SPOCK1: variants seen among roughly 807,000 people sequenced by gnomAD.
SPOCK1 encodes the protein testican-1.
SPOCK1 carries 23 observed loss-of-function variants against 55.3 expected under a neutral mutation model. That is an observed-to-expected ratio of 0.42 (90% confidence interval 0.30 to 0.59). The LOEUF (loss-of-function observed/expected upper bound fraction) is 0.59, where lower values mean the gene tolerates loss of function less well. Among genes scored for constraint, SPOCK1 ranks in the 20% least tolerant of loss-of-function variants. SPOCK1 has a pLI of 0.22. For synonymous variants in SPOCK1, 226 were observed against 221.0 expected, an observed-to-expected ratio of 1.02 and a Z score of -0.20; for missense variants, 499 against 552.5, an observed-to-expected ratio of 0.90 and a Z score of 0.97.
chr5:137,297,600 C>T lies in SPOCK1; in HGVS notation c.187-30545G>A, dbSNP rs1055369319. ...TCTCTCTTTTGTGAGGGGAGGGGTC[C>T]CTTCTGGCCTAGTAGAGGGCCTGGC... On this transcript the variant is annotated intron_variant, in intron 2 of 10. Coordinates refer to ENST00000394945, the MANE Select transcript of SPOCK1 (RefSeq NM_004598.4). Among the ~76,000 whole-genome samples, 3 of 152,010 alleles carry T rather than the reference C, an allele frequency of 2.0e-5. No individual in the cohort carries two copies. The East Asian group carries it at 5.8e-4, about 29-fold the overall frequency.
chr5:137,317,710 A>C (rs1167106406), intron 2 of SPOCK1, among the ~76,000 whole-genome samples: 1 of 152,192 alleles, frequency 6.6e-6, no homozygotes, highest in Non-Finnish European at 1.5e-5. Context: ...ACAGAAATAA[A>C]ACATTACTGC....
intron 2 of SPOCK1, among the ~76,000 whole-genome samples, chr5:137,438,179 T>C (rs1265739571): frequency 1.3e-5 from 2 of 151,586 alleles, no homozygotes; most frequent in Non-Finnish European, 2.9e-5. Context: ...AGGGAAGAAG[T>C]AGGGAGCAGG....
chr5:137,447,494 T>C (rs1753153066), intron 2 of SPOCK1, among the ~76,000 whole-genome samples: 1 of 152,216 alleles, frequency 6.6e-6, no homozygotes. Flanking sequence ...GACAAAAAGC[T>C]ACTGGCAAAT....
At chr5:137,477,868 T>TGTAAGGAAGCTGAAAAA (rs1254570157) in intron 2 of SPOCK1, among the ~76,000 whole-genome samples, 1 of 152,214 alleles carries the variant, frequency 6.6e-6, no homozygotes, top group African/African-American at 2.4e-5. Context: ...CTTGGCTTCA[T>TGTAAGGAAGCTGAAAAA]GTAAGGAAGC....
chr5:137,185,960 G>A (rs182610126), intron 3 of SPOCK1, among the ~76,000 whole-genome samples: 6 of 152,308 alleles, frequency 3.9e-5, no homozygotes, highest in Non-Finnish European at 8.8e-5. Flanking sequence ...CTTCTAAAGG[G>A]GCAGAAGCGG....
intron 3 of SPOCK1, among the ~76,000 whole-genome samples, chr5:137,219,658 C>T (rs1205002839): frequency 6.6e-6 from 1 of 152,128 alleles, no homozygotes; most frequent in Non-Finnish European, 1.5e-5. Context: ...TGTGAAGAAA[C>T]AATAACTGGC....
intron 3 of SPOCK1, among the ~76,000 whole-genome samples, chr5:137,158,048 G>A (rs1299755556): frequency 1.3e-5 from 2 of 152,128 alleles, no homozygotes; most frequent in African/African-American, 4.8e-5. Context: ...GGCAGCAAGA[G>A]GGAGACTCCA....
chr5:137,165,798 T>C (rs1754638096), intron 3 of SPOCK1, among the ~76,000 whole-genome samples: 1 of 152,150 alleles, frequency 6.6e-6, no homozygotes, highest in African/African-American at 2.4e-5. Context: ...AGTCTTTTAA[T>C]AGCAGAATTG....
intron 2 of SPOCK1, among the ~76,000 whole-genome samples, chr5:137,332,474 T>C (rs1758204820): frequency 1.3e-5 from 2 of 152,198 alleles, no homozygotes; most frequent in South Asian, 4.1e-4. Context: ...CAGCCGTCAG[T>C]AACACTTGCC....
intron 6 of SPOCK1, among the ~76,000 whole-genome samples, chr5:136,997,736 G>T (rs1007685423): frequency 9.9e-5 from 15 of 152,146 alleles, no homozygotes; most frequent in Admixed American, 2.6e-4. Flanking sequence ...TTTTCTTAGA[G>T]GACTTCCCTA....
intron 2 of SPOCK1, among the ~76,000 whole-genome samples, chr5:137,294,332 C>A (rs1410703709): frequency 6.6e-6 from 1 of 152,124 alleles, no homozygotes; most frequent in East Asian, 1.9e-4. Flanking sequence ...GGATTGAGTA[C>A]ATACTGTGCA....
At position 137,455,835 on chromosome 5, in the gene SPOCK1, C is replaced by G. The variant is rs557195914; in HGVS notation, c.186+42538G>C. ...CTTGAGCCCAAAAGTTCTAGACCAG[C>G]CTAGGCAACATAACAAAACTCCACC... is the stretch of plus-strand genomic sequence containing the variant. On this transcript the variant is annotated intron_variant, in intron 2 of 10. Transcript: ENST00000394945. Among the ~76,000 whole-genome samples, 67 of 152,014 alleles carry G rather than the reference C, an allele frequency of 4.4e-4. 1 individual carries two copies. Among genetic ancestry groups the G allele is most frequent in the Middle Eastern group, 3.4e-3 (1 of 294 alleles).
intron 5 of SPOCK1, among the ~76,000 whole-genome samples, chr5:137,112,124 GC>G (rs775211225): frequency 5.3e-5 from 8 of 152,112 alleles, no homozygotes; most frequent in Non-Finnish European, 1.0e-4. Context: ...TATATGACTT[GC>G]CTCTTTTGAA....
intron 5 of SPOCK1, among the ~76,000 whole-genome samples, chr5:137,101,822 C>G (rs779630259): frequency 6.6e-6 from 1 of 152,154 alleles, no homozygotes; most frequent in Non-Finnish European, 1.5e-5. Context: ...ATGTGTCCCA[C>G]GATCAGAAGA....
At chr5:137,305,521 A>G (rs1027635019) in intron 2 of SPOCK1, among the ~76,000 whole-genome samples, 1 of 152,228 alleles carries the variant, frequency 6.6e-6, no homozygotes, top group Non-Finnish European at 1.5e-5. Context: ...TCACCTGGCC[A>G]CCGGAAGTGC....
chr5:137,024,993 G>C (rs927727613), intron 6 of SPOCK1, among the ~76,000 whole-genome samples: 2 of 152,308 alleles, frequency 1.3e-5, no homozygotes, highest in Admixed American at 6.5e-5. Flanking sequence ...GCGAAGGGAT[G>C]TAAACCAGTC....
intron 2 of SPOCK1, among the ~76,000 whole-genome samples, chr5:137,391,021 T>G (rs1751710876): frequency 6.6e-6 from 1 of 152,308 alleles, no homozygotes; most frequent in South Asian, 2.1e-4. Flanking sequence ...AAGCCCTGCA[T>G]GCATTAGGTA....
At chr5:137,383,293 C>A (rs1751516802) in intron 2 of SPOCK1, among the ~76,000 whole-genome samples, 1 of 152,186 alleles carries the variant, frequency 6.6e-6, no homozygotes, top group Admixed American at 6.5e-5. Flanking sequence ...CAGGGCTCAA[C>A]AAATGGCAGC....
chr5:137,231,315 G>A (rs1756058556), intron 3 of SPOCK1, among the ~76,000 whole-genome samples: 1 of 152,108 alleles, frequency 6.6e-6, no homozygotes, highest in South Asian at 2.1e-4. Flanking sequence ...CCAAAGTGCT[G>A]GGATTATAGG....
Sources: gnomAD v4.1 joint callset for allele counts (sites outside exome capture counted in the v4.1 genomes callset) on GRCh38, gnomAD v4.1.1 for gene constraint, MANE v1.5 for transcripts, NCBI Gene and HGNC (gene_info 2026-07-23, HGNC 2026-07-21) for gene names.